Variants in TNIP3 observed in about 807,000 individuals in gnomAD.
The protein encoded by TNIP3 is TNFAIP3-interacting protein 3.
A neutral mutation model predicts 54.1 loss-of-function variants in TNIP3; 34 were observed. That is an observed-to-expected ratio of 0.63 (90% CI 0.48 to 0.84). The LOEUF is 0.84. Among genes scored for constraint, TNIP3 ranks in the 40% least tolerant of loss-of-function variants. The pLI is 0.00. For missense variants in TNIP3, 366 were observed against 387.6 expected, an observed-to-expected ratio of 0.94 and a Z score of 0.47; for synonymous variants, 134 against 136.8, an observed-to-expected ratio of 0.98 and a Z score of 0.14.
intron 2 of TNIP3, 62 bp from the exon 3 acceptor site, chr4:121,158,814 A>AAAAG: frequency 7.5e-7 from 1 of 1,328,762 alleles, no homozygotes; most frequent in Non-Finnish European, 1.1e-6. Flanking sequence ...AGTTTGGTCA[A>AAAAG]AAAGAAATTA....
At chr4:121,199,651 C>T (rs1280798210) in intron 2 of TNIP3, among the ~76,000 whole-genome samples, 2 of 152,158 alleles carry the variant, frequency 1.3e-5, no homozygotes, top group African/African-American at 4.8e-5. Flanking sequence ...ATAGTGTGTG[C>T]ACCAAGCTTC....
chr4:121,212,761 C>A (rs1046447704), intron 2 of TNIP3, among the ~76,000 whole-genome samples: 2 of 152,044 alleles, frequency 1.3e-5, no homozygotes, highest in Non-Finnish European at 2.9e-5. Context: ...CTTAACTTAC[C>A]GCAACTGTAT....
chr4:121,168,508 T>A (rs1399755809), upstream of TNIP3, among the ~76,000 whole-genome samples: 1 of 134,792 alleles, frequency 7.4e-6, no homozygotes, highest in African/African-American at 3.3e-5. Context: ...CTTTTTCTTT[T>A]TTCTTTTCTT....
chr4:121,163,860 C>T (rs377473763), intron 1 of TNIP3, among the ~76,000 whole-genome samples, 200 bp downstream of exon 1: 68 of 151,918 alleles, frequency 4.5e-4, no homozygotes, highest in African/African-American at 1.4e-3. Context: ...GAATTTAAGC[C>T]CCGTGGGTTA....
chr4:121,153,876 G>T (rs1335784760), intron 5 of TNIP3, among the ~76,000 whole-genome samples: 1 of 152,114 alleles, frequency 6.6e-6, no homozygotes, highest in African/African-American at 2.4e-5. Context: ...TCAACCATGT[G>T]CTAGCGCATT....
intron 2 of TNIP3, among the ~76,000 whole-genome samples, chr4:121,194,012 A>C (rs1181726125): frequency 6.6e-6 from 1 of 152,176 alleles, no homozygotes; most frequent in East Asian, 1.9e-4. Flanking sequence ...AACTAAATGT[A>C]ATGTAAGATC....
rs935199078 is a variant in TNIP3 at position 121,177,307 on chromosome 4, T to C, written c.189+5369A>G. 2.0e-5 allele frequency among the ~76,000 whole-genome samples: 3 copies of C among 152,214 alleles called. No homozygotes were observed. In the South Asian group the frequency reaches 6.2e-4, roughly 31 times the overall value. ...AATTATTTTTCCTTTGCCTACAAGA[T>C]TTTAAATGACCTTTGGTCACTAACT... On this transcript the variant is annotated intron_variant, in intron 3 of 12. Coordinates refer to the TNIP3 transcript ENST00000507879.
chr4:121,137,404 C>T (rs1728851730), intron 10 of TNIP3: 1 of 152,134 alleles, frequency 6.6e-6, no homozygotes, highest in Non-Finnish European at 1.5e-5. Context: ...AAACCACTGG[C>T]TATATTTGTA....
upstream of TNIP3, among the ~76,000 whole-genome samples, chr4:121,167,528 A>T (rs1730831631): frequency 6.6e-6 from 1 of 152,170 alleles, no homozygotes; most frequent in African/African-American, 2.4e-5. Context: ...ATTCTGACAA[A>T]TCCAGTTTAC....
rs1407807368 is a variant in TNIP3, at chr4:121,152,031, T to C, written c.493-1812A>G. Among the ~76,000 whole-genome samples, 3 of 152,192 alleles carry C rather than the reference T, an allele frequency of 2.0e-5. No homozygotes were observed. In the East Asian group the frequency reaches 5.8e-4, roughly 29 times the overall value. On this transcript the variant is annotated intron_variant, in intron 5 of 10. Transcript: ENST00000057513. ...CCTGATAAAAACAAACTCCTAGGTA[T>C]ATTTCCCCATTTTCTTCAATGCAAA...
chr4:121,162,471 C>T (rs185501403), intron 1 of TNIP3, among the ~76,000 whole-genome samples: 28 of 152,274 alleles, frequency 1.8e-4, no homozygotes, highest in African/African-American at 6.5e-4. Context: ...GACACTGAAA[C>T]CCAAGTGTCA....
chr4:121,153,635 A>T (rs1729896641), intron 5 of TNIP3, among the ~76,000 whole-genome samples: 1 of 152,200 alleles, frequency 6.6e-6, no homozygotes, highest in Non-Finnish European at 1.5e-5. Context: ...ACACAGATCT[A>T]CTACAGGATC....
At chr4:121,211,723 G>T (rs558501088) in intron 2 of TNIP3, among the ~76,000 whole-genome samples, 2 of 152,142 alleles carry the variant, frequency 1.3e-5, no homozygotes, top group East Asian at 3.9e-4. Flanking sequence ...TGCCATGGAG[G>T]GTCTGTATAT....
chr4:121,163,143 T>C (rs145251349), intron 1 of TNIP3, among the ~76,000 whole-genome samples: 1 of 152,188 alleles, frequency 6.6e-6, no homozygotes, highest in African/African-American at 2.4e-5. Flanking sequence ...TATTCAGTTA[T>C]AGGTGGGGGA....
At chr4:121,174,263 G>A (rs541944521) in intron 3 of TNIP3, among the ~76,000 whole-genome samples, 27 of 152,068 alleles carry the variant, frequency 1.8e-4, no homozygotes, top group Non-Finnish European at 3.4e-4. Flanking sequence ...TAAGAGACTA[G>A]GCATGGTGGC....
At chr4:121,140,935 G>A (rs1729081763) in intron 9 of TNIP3, among the ~76,000 whole-genome samples, 1 of 152,114 alleles carries the variant, frequency 6.6e-6, no homozygotes, top group Non-Finnish European at 1.5e-5. Context: ...CCTCCCTTGG[G>A]AAAAGGGTTT....
At chr4:121,185,688 TAAACTC>T (rs1011874909) in intron 2 of TNIP3, among the ~76,000 whole-genome samples, 8 of 152,288 alleles carry the variant, frequency 5.3e-5, no homozygotes, top group Middle Eastern at 3.4e-3. Flanking sequence ...TGTATGTAAA[TAAACTC>T]AAACTCATAG....
chr4:121,180,793 T>C (rs1005576592), intron 3 of TNIP3, among the ~76,000 whole-genome samples: 1 of 152,238 alleles, frequency 6.6e-6, no homozygotes, highest in Non-Finnish European at 1.5e-5. Context: ...TCCTCACTAC[T>C]ACTCTGCAAC....
At chr4:121,148,505 C>T (rs1390646689) in intron 6 of TNIP3, among the ~76,000 whole-genome samples, 1 of 152,178 alleles carries the variant, frequency 6.6e-6, no homozygotes, top group African/African-American at 2.4e-5. Flanking sequence ...TGAACATAAG[C>T]AGTGCTTTTG....
Sources: allele counts gnomAD v4.1 joint callset (sites outside exome capture counted in the v4.1 genomes callset), GRCh38; gene constraint gnomAD v4.1.1; transcripts MANE v1.5; gene names NCBI Gene and HGNC (gene_info 2026-07-23, HGNC 2026-07-21).